The following CASZ1 variants were observed in gnomAD, a reference collection of about 807,000 sequenced individuals.
The protein encoded by CASZ1 is zinc finger protein castor homolog 1.
In CASZ1, 28 loss-of-function variants were observed where a neutral mutation model predicts 135.2. That is an observed-to-expected ratio of 0.21 (90% CI 0.15 to 0.28). The LOEUF is 0.28. Ranked by LOEUF, CASZ1 falls within the 10% of genes least tolerant of loss-of-function variation. CASZ1 has a pLI of 1.00. For missense variants in CASZ1, 2,161 were observed against 2,453.3 expected, an observed-to-expected ratio of 0.88 and a Z score of 2.52; for synonymous variants, 1,068 against 1,073.4, an observed-to-expected ratio of 0.99 and a Z score of 0.10.
At position 10,643,146 on chromosome 1, in the gene CASZ1, G is replaced by C; in HGVS notation, c.4020+14C>G. 2 of 1,609,464 alleles carry C rather than the reference G, an allele frequency of 1.2e-6. No homozygotes were observed. Among genetic ancestry groups the C allele is most frequent in the Non-Finnish European group, 1.7e-6 (2 of 1,178,796 alleles). ...GCCACCCTGGCTGGGCTCTCACCTGGGGGGGGCTCTCACCTGGGAGGGGGG... is the reference window on the plus strand; with the variant it reads ...GCCACCCTGGCTGGGCTCTCACCTGCGGGGGGCTCTCACCTGGGAGGGGGG... On this transcript the variant is annotated intron_variant, in intron 19 of 20. Coordinates refer to ENST00000377022, the MANE Select transcript of CASZ1 (RefSeq NM_001079843.3).
In CASZ1 at chr1:10,644,993, C is replaced by T. The variant is rs982641624; in HGVS notation, c.3792G>A (p.Lys1264=). Residue 1264 remains lysine (K), a synonymous_variant, in exon 18 of 21, where the codon AAG becomes AAA. Coordinates refer to ENST00000377022, the MANE Select transcript of CASZ1 (RefSeq NM_001079843.3). The part of the protein sequence containing the change: ...NITTKLPWHI[K]KHEKAERRAA... Reference sequence around the variant, plus strand: ...CCCGCCGCTCCGCCTTCTCATGCTTCTTGATGTGCCAGGGGAGCTTGGTGG... The same window carrying T: ...CCCGCCGCTCCGCCTTCTCATGCTTTTTGATGTGCCAGGGGAGCTTGGTGG... 6.2e-6 allele frequency: 10 copies of T among 1,614,084 alleles called. No individual in the cohort carries two copies. Among genetic ancestry groups the T allele is most frequent in the Middle Eastern group, 1.6e-4 (1 of 6,062 alleles).
At chr1:10,791,059 T>C (rs1013791411) in intron 1 of CASZ1, among the ~76,000 whole-genome samples, 2 of 146,486 alleles carry the variant, frequency 1.4e-5, no homozygotes, top group African/African-American at 5.1e-5. Context: ...TAATTTTACA[T>C]CCGAAGAGAC....
intron 2 of CASZ1, among the ~76,000 whole-genome samples, chr1:10,733,130 G>T (rs113477894): frequency 1.3e-5 from 2 of 152,304 alleles, no homozygotes; most frequent in African/African-American, 4.8e-5. Flanking sequence ...TGATCTTAAA[G>T]AGGAGAAAGG....
intron 2 of CASZ1, among the ~76,000 whole-genome samples, chr1:10,751,367 G>A (rs1024841173): frequency 3.3e-5 from 5 of 152,078 alleles, no homozygotes; most frequent in African/African-American, 9.7e-5. Flanking sequence ...CAGAGAAGCC[G>A]ACAGGGGCCA....
chr1:10,678,718 G>A (rs892492754), intron 4 of CASZ1, among the ~76,000 whole-genome samples: 4 of 152,150 alleles, frequency 2.6e-5, no homozygotes, highest in Non-Finnish European at 4.4e-5. Context: ...TAAACGTCCC[G>A]AGCGGGAGGG....
chr1:10,680,520 T>C (rs1215696135), intron 4 of CASZ1, among the ~76,000 whole-genome samples: 2 of 152,182 alleles, frequency 1.3e-5, no homozygotes, highest in African/African-American at 2.4e-5. Context: ...CCTGGGAGGA[T>C]GGCTTTGGGT....
Position 10,720,336 on chromosome 1 carries a change from C to T in CASZ1, c.-76-14792G>A, listed in dbSNP as rs1043603215. ...ATCATCGCCATCGCTAAACACTTCT[C>T]TAACCAGGATATGGTAACTAGGAAT... On this transcript the variant is annotated intron_variant, in intron 2 of 20. Coordinates refer to ENST00000377022, the MANE Select transcript of CASZ1 (RefSeq NM_001079843.3). The surrounding 1 kb of genome is among the most constrained non-coding windows in gnomAD (Gnocchi z 5.7). Among the ~76,000 whole-genome samples the T allele has an allele frequency of 2.0e-5, 3 of 152,348 alleles. No homozygotes were observed. The highest frequency in any genetic ancestry group is 4.1e-4 in the South Asian group (2 of 4,830).
chr1:10,662,467 CAT>C (rs1171398854), intron 5 of CASZ1, among the ~76,000 whole-genome samples: 2 of 151,878 alleles, frequency 1.3e-5, no homozygotes, highest in African/African-American at 4.8e-5. Flanking sequence ...TACGCACAGT[CAT>C]ATGCACACAC....
intron 2 of CASZ1, among the ~76,000 whole-genome samples, chr1:10,738,918 G>GTTTTT (rs752101102): frequency 7.2e-5 from 5 of 69,174 alleles, no homozygotes; most frequent in African/African-American, 5.9e-5. Context: ...ATGAAGGAAG[G>GTTTTT]TTTTTTTTTT....
At chr1:10,749,494 A>G (rs416218) in intron 2 of CASZ1, among the ~76,000 whole-genome samples, 64,171 of 151,844 alleles carry the variant, frequency 0.42, 16,138 homozygotes, top group African/African-American at 0.72. Context: ...TGATCCACCC[A>G]CCTCGGCCTC....
intron 1 of CASZ1, among the ~76,000 whole-genome samples, chr1:10,792,689 GCCC>G (rs1445859860): frequency 3.5e-5 from 3 of 86,366 alleles, no homozygotes; most frequent in Non-Finnish European, 4.7e-5. Context: ...GCCTCCCCAC[GCCC>G]CCACCCCCAC....
At chr1:10,672,233 C>T (rs570372224) in intron 4 of CASZ1, among the ~76,000 whole-genome samples, 1,867 of 148,554 alleles carry the variant, frequency 0.013, 23 homozygotes, top group Non-Finnish European at 0.021. Flanking sequence ...CCCTCCCCTC[C>T]GCACTATAAA....
rs1639051592 is a variant in CASZ1 at position 10,701,123 on chromosome 1, C to G, written c.-24+4369G>C. ...CAAATATCTACTTGGGCCCCTGATG[C>G]CAGGGCCAGCAGGTTGTCAAGGAGC... On this transcript the variant is annotated intron_variant, in intron 3 of 20. Coordinates refer to ENST00000377022, the MANE Select transcript of CASZ1 (RefSeq NM_001079843.3). This position sits in a 1 kb window ranked among gnomAD's most constrained non-coding sequence, Gnocchi z 6.3. Among the ~76,000 whole-genome samples, 1 of 152,158 alleles carries G rather than the reference C, an allele frequency of 6.6e-6. No individual in the cohort carries two copies. Among genetic ancestry groups the G allele is most frequent in the Non-Finnish European group, 1.5e-5 (1 of 68,032 alleles).
chr1:10,636,978 A>T lies in CASZ1; in HGVS notation c.*1964T>A, dbSNP rs1642014170. On this transcript the variant is annotated 3_prime_UTR_variant, in exon 21 of 21. Transcript: ENST00000377022. The stretch of plus-strand genomic sequence containing the variant: ...TAAAAAGAGCATTGGTGGATCAAGC[A>T]TTGTTTCCCCACAGAAAGAAAATAA... 1 of 152,422 alleles carries T rather than the reference A, an allele frequency of 6.6e-6. No individual in the cohort carries two copies. Among genetic ancestry groups the T allele is most frequent in the South Asian group, 2.1e-4 (1 of 4,830 alleles). The allele number at this position is 152,422 out of a possible 1,614,324, so 9.4% of individuals were successfully genotyped here.
chr1:10,668,220 G>A (rs1643296475), intron 4 of CASZ1, among the ~76,000 whole-genome samples: 1 of 152,160 alleles, frequency 6.6e-6, no homozygotes, highest in Non-Finnish European at 1.5e-5. Context: ...TTCCGGCCCA[G>A]GGCCCTGGGA....
At chr1:10,654,678 T>A in intron 9 of CASZ1, 87 bp from the exon 10 acceptor site, 1 of 1,293,066 alleles carries the variant, frequency 7.7e-7, no homozygotes, top group Non-Finnish European at 1.1e-6. Context: ...CTGGGGCCAC[T>A]GACTTCCCTG....
At chr1:10,771,869 T>G (rs894869244) in intron 1 of CASZ1, among the ~76,000 whole-genome samples, 2 of 152,218 alleles carry the variant, frequency 1.3e-5, no homozygotes, top group Non-Finnish European at 2.9e-5. Context: ...GTGAGGATGC[T>G]GACTGAGGAC....
chr1:10,761,556 T>C (rs1640375323), intron 1 of CASZ1, among the ~76,000 whole-genome samples: 1 of 151,906 alleles, frequency 6.6e-6, no homozygotes, highest in African/African-American at 2.4e-5. Context: ...AAAAAAAAAG[T>C]AGCCAAAGAA....
intron 2 of CASZ1, among the ~76,000 whole-genome samples, chr1:10,738,918 G>GTTTTTT (rs752101102): frequency 1.4e-5 from 1 of 69,176 alleles, no homozygotes; most frequent in Non-Finnish European, 2.8e-5. Context: ...ATGAAGGAAG[G>GTTTTTT]TTTTTTTTTT....
Sources: gnomAD v4.1 joint callset for allele counts (sites outside exome capture counted in the v4.1 genomes callset) on GRCh38, gnomAD v4.1.1 for gene constraint, Gnocchi (gnomAD v3.1) non-coding constraint, MANE v1.5 for transcripts, NCBI Gene and HGNC (gene_info 2026-07-23, HGNC 2026-07-21) for gene names.